Variants in SETD3 observed in about 807,000 individuals in gnomAD.
SETD3 encodes actin-histidine N-methyltransferase.
SETD3 carries 19 observed loss-of-function variants against 63.0 expected under a neutral mutation model. The observed-to-expected ratio is 0.30, with a 90% CI of 0.21 to 0.44. The LOEUF is 0.44. SETD3 is among the 20% of genes least tolerant of loss of function. The probability of loss-of-function intolerance (pLI) is 1.00; values close to 1 mark genes in which losing one functional copy is unlikely to be tolerated. For missense variants in SETD3, 587 were observed against 728.5 expected (o/e 0.81, Z 2.24); for synonymous variants, 286 against 264.1 (o/e 1.08, Z -0.80).
At chr14:99,404,370 T>C (rs1345729851) in intron 10 of SETD3, 60 bp from the exon 11 acceptor site, 12 of 1,465,892 alleles carry the variant, frequency 8.2e-6, no homozygotes, top group Non-Finnish European at 1.1e-5. Flanking sequence ...TGCTCCAAAC[T>C]GAGATTCCTT....
rs1413387356 is a variant in SETD3 at position 99,473,545 on chromosome 14, G to GC, written c.-9+7182dup. 2.0e-5 allele frequency among the ~76,000 whole-genome samples: 3 copies of GC among 152,174 alleles called. No individual in the cohort carries two copies. The East Asian group carries it at 5.8e-4, about 29-fold the overall frequency. ...TCCAGGAAACCTTAGCTCAAGCACAGCATCTGTTTTTCAATGTATCCTGCA... is the reference window on the plus strand; with the variant it reads ...TCCAGGAAACCTTAGCTCAAGCACAGCCATCTGTTTTTCAATGTATCCTGCA... On this transcript the variant is annotated intron_variant, in intron 1 of 12. Coordinates refer to ENST00000331768, the MANE Select transcript of SETD3 (RefSeq NM_032233.3).
upstream of SETD3, chr14:99,481,516 C>G (rs1896318293): frequency 2.5e-6 from 1 of 398,646 alleles, no homozygotes; most frequent in East Asian, 3.6e-5. Context: ...CGCCGCCCAC[C>G]TCCCGCGTAT....
At chr14:99,449,200 C>G (rs760336727) in intron 6 of SETD3, among the ~76,000 whole-genome samples, 9 of 152,160 alleles carry the variant, frequency 5.9e-5, no homozygotes, top group Non-Finnish European at 1.3e-4. Flanking sequence ...CAGAAAATCA[C>G]CACTTGGCAA....
At chr14:99,437,554 G>C (rs551318600) in intron 6 of SETD3, among the ~76,000 whole-genome samples, 1 of 152,154 alleles carries the variant, frequency 6.6e-6, no homozygotes, top group Admixed American at 6.5e-5. Context: ...ACCTAACGAC[G>C]TTCTTCACAC....
At chr14:99,441,668 G>T (rs1296461873) in intron 6 of SETD3, among the ~76,000 whole-genome samples, 4 of 152,206 alleles carry the variant, frequency 2.6e-5, no homozygotes, top group Non-Finnish European at 5.9e-5. Context: ...GAGGAGAAGA[G>T]GCTGGCAAGT....
rs571023377 is a variant in SETD3 at position 99,423,350 on chromosome 14, G to A, written c.676-9416C>T. ...TAAAATGTCCCATTAAAACGGCAAC[G>A]AACTGAATTATAGGATTATAATTTA... is the stretch of plus-strand genomic sequence containing the variant. On this transcript the variant is annotated intron_variant, in intron 6 of 12. Transcript: ENST00000331768. Among the ~76,000 whole-genome samples, 381 of 151,872 alleles carry A rather than the reference G, an allele frequency of 2.5e-3. 1 individual carries two copies. The highest frequency in any genetic ancestry group is 8.6e-3 in the African/African-American group (358 of 41,428).
At chr14:99,472,685 C>A (rs1895767181) in intron 1 of SETD3, among the ~76,000 whole-genome samples, 1 of 152,094 alleles carries the variant, frequency 6.6e-6, no homozygotes, top group African/African-American at 2.4e-5. Context: ...TATGTGCATA[C>A]ACATACGAAC....
At chr14:99,417,727 C>G (rs978644708) in intron 6 of SETD3, among the ~76,000 whole-genome samples, 1 of 152,220 alleles carries the variant, frequency 6.6e-6, no homozygotes, top group African/African-American at 2.4e-5. Context: ...ACATTAACAG[C>G]TCTGCACAGG....
In SETD3 at chr14:99,398,737, C is replaced by G. The variant is rs201591330; in HGVS notation, c.1727G>C (p.Arg576Thr). Residue 576 changes from arginine (R) to threonine (T), a missense_variant, in exon 13 of 13, where the codon AGA (arginine) becomes ACA (threonine). Physicochemically the swap from Arg to Thr is moderately conservative, Grantham distance 71 (BLOSUM62 -1). Coordinates refer to ENST00000331768, the MANE Select transcript of SETD3 (RefSeq NM_032233.3). ...ENESLNQESK[R>T]AVEDAKGSSS... ...AGATCCTTTGGCGTCTTCAACTGCT[C>G]TTTTACTTTCTTGATTGAGACTTTC... 80 of 1,614,230 alleles carry G rather than the reference C, an allele frequency of 5.0e-5. No homozygotes were observed. The East Asian group carries it at 1.2e-3, about 23-fold the overall frequency.
At chr14:99,476,164 G>T (rs1197987264) in intron 1 of SETD3, among the ~76,000 whole-genome samples, 2 of 152,190 alleles carry the variant, frequency 1.3e-5, no homozygotes, top group Non-Finnish European at 2.9e-5. Context: ...CGCTTACGGA[G>T]ACTGATTAAT....
intron 1 of SETD3, among the ~76,000 whole-genome samples, chr14:99,478,555 C>A (rs1896092051): frequency 6.6e-6 from 1 of 152,170 alleles, no homozygotes; most frequent in South Asian, 2.1e-4. Context: ...AACTGGTACG[C>A]CTCAAACTAC....
chr14:99,413,433 G>A (rs1209054837), intron 7 of SETD3, among the ~76,000 whole-genome samples: 1 of 152,066 alleles, frequency 6.6e-6, no homozygotes, highest in Admixed American at 6.6e-5. Context: ...AAGCCTCATT[G>A]AAAAGCAAAC....
chr14:99,400,034 C>T, intron 12 of SETD3, 65 bp downstream of exon 12: 1 of 1,452,096 alleles, frequency 6.9e-7, no homozygotes, highest in Non-Finnish European at 9.3e-7. Flanking sequence ...AGCCACCGCA[C>T]CAAGCCTCAT....
chr14:99,455,683 A>G (rs1894717530), intron 6 of SETD3, among the ~76,000 whole-genome samples: 1 of 152,060 alleles, frequency 6.6e-6, no homozygotes, highest in South Asian at 2.1e-4. Context: ...TGATTTTCTA[A>G]ATCATATAGG....
intron 11 of SETD3, among the ~76,000 whole-genome samples, chr14:99,400,910 C>T (rs1198435001): frequency 6.6e-6 from 1 of 152,200 alleles, no homozygotes; most frequent in African/African-American, 2.4e-5. Flanking sequence ...GAAGCCAAGG[C>T]AGGTGGATCA....
At chr14:99,435,925 G>A (rs545245292) in intron 6 of SETD3, among the ~76,000 whole-genome samples, 2 of 152,196 alleles carry the variant, frequency 1.3e-5, no homozygotes, top group South Asian at 2.1e-4. Flanking sequence ...TGCCCAAGAC[G>A]GGGTAGTTTA....
intron 6 of SETD3, among the ~76,000 whole-genome samples, chr14:99,425,819 T>A (rs1253304853): frequency 6.6e-6 from 1 of 152,282 alleles, no homozygotes; most frequent in Admixed American, 6.5e-5. Context: ...AAGAAAAAAA[T>A]CTGTTTTCCC....
At chr14:99,483,316 A>G (rs1268425952), upstream of SETD3, among the ~76,000 whole-genome samples, 1 of 152,104 alleles carries the variant, frequency 6.6e-6, no homozygotes, top group African/African-American at 2.4e-5. Flanking sequence ...TGGGAGGCCA[A>G]AGCTGGAGGA....
At chr14:99,458,237 C>G (rs746677505) in intron 6 of SETD3, 42 bp downstream of exon 6, 1 of 1,576,498 alleles carries the variant, frequency 6.3e-7, no homozygotes, top group Non-Finnish European at 8.6e-7. Context: ...CTTTCCTCCC[C>G]ACTCTGTGAA....
Sources: allele counts gnomAD v4.1 joint callset (sites outside exome capture counted in the v4.1 genomes callset), GRCh38; gene constraint gnomAD v4.1.1; transcripts MANE v1.5; gene names NCBI Gene and HGNC (gene_info 2026-07-23, HGNC 2026-07-21).